PKNOX2: variants seen among roughly 807,000 people sequenced by gnomAD.
The protein encoded by PKNOX2 is homeobox protein PKNOX2.
Under a neutral mutation model 53.1 loss-of-function variants are expected in PKNOX2, and 14 were observed. That is an observed-to-expected ratio of 0.26 (90% CI 0.17 to 0.41). The LOEUF (loss-of-function observed/expected upper bound fraction) is 0.41, where lower values mean the gene tolerates loss of function less well. PKNOX2 is among the 10% of genes least tolerant of loss of function. The probability of loss-of-function intolerance (pLI) is 1.00; values close to 1 mark genes in which losing one functional copy is unlikely to be tolerated. For synonymous variants in PKNOX2, 257 were observed against 242.8 expected (o/e 1.06, Z -0.54); for missense variants, 496 against 602.8 (o/e 0.82, Z 1.85).
At chr11:125,421,041 CTA>C (rs1177684872) in intron 10 of PKNOX2, among the ~76,000 whole-genome samples, 9 of 151,932 alleles carry the variant, frequency 5.9e-5, no homozygotes, top group Middle Eastern at 3.4e-3. Flanking sequence ...TAACTTCTGT[CTA>C]TGAAAAAAAA....
chr11:125,226,056 T>G (rs1941657111), intron 1 of PKNOX2, among the ~76,000 whole-genome samples: 1 of 152,264 alleles, frequency 6.6e-6, no homozygotes, highest in South Asian at 2.1e-4. Context: ...GAATTTCTCT[T>G]GCTTCCTGTG....
At chr11:125,266,650 C>T (rs1487813198) in intron 2 of PKNOX2, 4 of 152,232 alleles carry the variant, frequency 2.6e-5, no homozygotes. Flanking sequence ...CTCCTCGTTC[C>T]TGGCCACGCA....
chr11:125,332,147 T>G (rs1480811723), intron 3 of PKNOX2, among the ~76,000 whole-genome samples: 1 of 152,192 alleles, frequency 6.6e-6, no homozygotes, highest in East Asian at 1.9e-4. Context: ...TCATCTATTC[T>G]GTGAACAATA....
chr11:125,318,732 C>G (rs1036233545), intron 2 of PKNOX2, among the ~76,000 whole-genome samples: 2 of 152,170 alleles, frequency 1.3e-5, no homozygotes, highest in East Asian at 1.9e-4. Context: ...TGTCCCTACC[C>G]AAATCTCATT....
At chr11:125,246,693 G>A (rs1469380045) in intron 2 of PKNOX2, among the ~76,000 whole-genome samples, 1 of 152,124 alleles carries the variant, frequency 6.6e-6, no homozygotes, top group Admixed American at 6.5e-5. Flanking sequence ...CAGGATTGTT[G>A]GGAATATTAA....
chr11:125,390,372 C>T (rs1953971651), intron 6 of PKNOX2, among the ~76,000 whole-genome samples: 1 of 152,194 alleles, frequency 6.6e-6, no homozygotes, highest in Non-Finnish European at 1.5e-5. Flanking sequence ...ACACCCAAAG[C>T]AGCTCTGGAG....
Position 125,312,181 on chromosome 11 carries a change from C to A in PKNOX2, c.-129-19638C>A, listed in dbSNP as rs547110760. On this transcript the variant is annotated intron_variant, in intron 2 of 12. Coordinates refer to ENST00000298282, the MANE Select transcript of PKNOX2 (RefSeq NM_001382323.2). ...AAATGAGAGCTAGATGAGGGCACTG[C>A]TTTGTAAGGGGTGGAGTGCTGTGTG... Among the ~76,000 whole-genome samples, 38 of 152,284 alleles carry A rather than the reference C, an allele frequency of 2.5e-4. 1 individual carries two copies. The highest frequency in any genetic ancestry group is 8.9e-4 in the African/African-American group (37 of 41,566).
intron 10 of PKNOX2, among the ~76,000 whole-genome samples, chr11:125,416,041 C>A (rs868275919): frequency 6.6e-6 from 1 of 152,112 alleles, no homozygotes; most frequent in Non-Finnish European, 1.5e-5. Context: ...CGGTGGCTCA[C>A]GCCTGTAATC....
At chr11:125,271,517 A>C (rs192633546) in intron 2 of PKNOX2, among the ~76,000 whole-genome samples, 1 of 151,920 alleles carries the variant, frequency 6.6e-6, no homozygotes, top group Non-Finnish European at 1.5e-5. Context: ...TCTCAGCCCC[A>C]CTCCTGTTTT....
chr11:125,374,791 A>G (rs1010238153), intron 5 of PKNOX2, among the ~76,000 whole-genome samples: 2 of 152,218 alleles, frequency 1.3e-5, no homozygotes, highest in African/African-American at 4.8e-5. Context: ...TGAGATAACC[A>G]ATGCTAACAG....
intron 1 of PKNOX2, among the ~76,000 whole-genome samples, chr11:125,176,321 G>T (rs1955702586): frequency 6.6e-6 from 1 of 152,242 alleles, no homozygotes; most frequent in South Asian, 2.1e-4. Context: ...TCACTAGATA[G>T]ATTTTTACTG....
At chr11:125,427,012 A>C (rs1466574617) in intron 10 of PKNOX2, among the ~76,000 whole-genome samples, 1 of 152,236 alleles carries the variant, frequency 6.6e-6, no homozygotes, top group Non-Finnish European at 1.5e-5. Flanking sequence ...GCATGGAGGC[A>C]TGAAAGGCCC....
chr11:125,387,534 A>G (rs1953728465), intron 6 of PKNOX2, among the ~76,000 whole-genome samples: 1 of 152,154 alleles, frequency 6.6e-6, no homozygotes, highest in Admixed American at 6.5e-5. Flanking sequence ...CTCCTGGCCA[A>G]CATGAGGTAG....
intron 2 of PKNOX2, among the ~76,000 whole-genome samples, chr11:125,248,917 A>G (rs1221487395): frequency 1.4e-5 from 2 of 138,020 alleles, no homozygotes; most frequent in African/African-American, 5.6e-5. Flanking sequence ...TATATATATA[A>G]CATATATAAT....
rs114255543 is a variant in PKNOX2, at chr11:125,272,317, G to T, written c.-130+37202G>T. On this transcript the variant is annotated intron_variant, in intron 2 of 12. Transcript: ENST00000298282. ...GAATGTCTGGCTCTCGATGAATCAT[G>T]ATAAATGGCATCTGTGAAGCTCTTT... Among the ~76,000 whole-genome samples, 596 of 152,308 alleles carry T rather than the reference G, an allele frequency of 3.9e-3. 3 individuals are homozygous for T. The highest frequency in any genetic ancestry group is 0.014 in the African/African-American group (564 of 41,568).
chr11:125,413,102 G>A (rs1955660584), intron 10 of PKNOX2, among the ~76,000 whole-genome samples: 1 of 152,212 alleles, frequency 6.6e-6, no homozygotes, highest in Non-Finnish European at 1.5e-5. Context: ...TGGGGGCGTG[G>A]GGCTGCCCCA....
chr11:125,427,807 C>T (rs943759103), intron 10 of PKNOX2, among the ~76,000 whole-genome samples: 1 of 152,162 alleles, frequency 6.6e-6, no homozygotes, highest in African/African-American at 2.4e-5. Flanking sequence ...CAGGACAAAA[C>T]TCTGACTTAT....
chr11:125,415,234 C>CTTTTT (rs35920181), intron 10 of PKNOX2, among the ~76,000 whole-genome samples: 16 of 77,582 alleles, frequency 2.1e-4, no homozygotes, highest in African/African-American at 6.8e-4. Context: ...TAAAGTTTAG[C>CTTTTT]TTTTTTTTTT....
chr11:125,192,904 G>A (rs1002120487), intron 1 of PKNOX2, among the ~76,000 whole-genome samples: 6 of 152,212 alleles, frequency 3.9e-5, no homozygotes, highest in Admixed American at 1.3e-4. Context: ...CTCAGTGAGC[G>A]AGGGGCTGTT....
Sources: allele counts gnomAD v4.1 joint callset (sites outside exome capture counted in the v4.1 genomes callset), GRCh38; gene constraint gnomAD v4.1.1; transcripts MANE v1.5; gene names NCBI Gene and HGNC (gene_info 2026-07-23, HGNC 2026-07-21).